The following THAP4 variants were observed in gnomAD, a reference collection of about 807,000 sequenced individuals.
The protein encoded by THAP4 is THAP domain containing 4.
Under a neutral mutation model 48.1 loss-of-function variants are expected in THAP4, and 18 were observed. The ratio of observed to expected loss-of-function variants is 0.37; its 90% CI spans 0.26 to 0.56. The LOEUF is 0.56. Among genes scored for constraint, THAP4 ranks in the 20% least tolerant of loss-of-function variants. The pLI is 0.78. For missense variants in THAP4, 656 were observed against 774.9 expected (o/e 0.85, Z 1.82); for synonymous variants, 345 against 324.9 (o/e 1.06, Z -0.66).
chr2:241,631,537 C>G (rs1174523240), intron 2 of THAP4, among the ~76,000 whole-genome samples: 4 of 152,184 alleles, frequency 2.6e-5, no homozygotes, highest in African/African-American at 9.7e-5. Flanking sequence ...GCAATCACAG[C>G]TCACTACAGC....
In THAP4 at chr2:241,632,335, A is replaced by G. The variant is rs941936445; in HGVS notation, c.1240+582T>C. 1.4e-4 allele frequency among the ~76,000 whole-genome samples: 21 copies of G among 152,206 alleles called. No individual in the cohort carries two copies. The East Asian group carries it at 3.9e-3, about 28-fold the overall frequency. On this transcript the variant is annotated intron_variant, in intron 2 of 5. Coordinates refer to ENST00000407315, the MANE Select transcript of THAP4 (RefSeq NM_015963.6). ...GGGTGGTCTCGAACTCCTGACCTCA[A>G]GTGATCTGCCCACCTTAGCCTCCCA... is the stretch of plus-strand genomic sequence containing the variant.
chr2:241,635,724 G>T (rs1010824399), intron 1 of THAP4, among the ~76,000 whole-genome samples: 3 of 150,824 alleles, frequency 2.0e-5, no homozygotes, highest in Non-Finnish European at 4.4e-5. Flanking sequence ...AGCCGAGATC[G>T]CACCAATGCA....
chr2:241,601,850 C>T lies in THAP4; in HGVS notation c.1614+46G>A, dbSNP rs767295679. The T allele has an allele frequency of 3.7e-6, 6 of 1,610,232 alleles. No homozygotes were observed. In the Admixed American group the frequency reaches 1.0e-4, roughly 27 times the overall value. On this transcript the variant is annotated intron_variant, in intron 5 of 5. Coordinates refer to ENST00000407315, the MANE Select transcript of THAP4 (RefSeq NM_015963.6). This position sits in a 1 kb window ranked among gnomAD's most constrained non-coding sequence, Gnocchi z 4.0. The stretch of plus-strand genomic sequence containing the variant: ...AGGAAGAGGCTGACTCCACAGACCG[C>T]TGCAAACAGAAGACAGGAGCGTGCT...
At chr2:241,634,872 C>T (rs1387546020) in intron 1 of THAP4, among the ~76,000 whole-genome samples, 2 of 152,180 alleles carry the variant, frequency 1.3e-5, no homozygotes, top group Non-Finnish European at 2.9e-5. Context: ...GGACATTATA[C>T]TGAATGAAAT....
At chr2:241,586,626 C>T (rs943021992) in intron 5 of THAP4, among the ~76,000 whole-genome samples, 1 of 152,032 alleles carries the variant, frequency 6.6e-6, no homozygotes, top group Non-Finnish European at 1.5e-5. Context: ...TATTAGAAGA[C>T]AATATGGAGA....
intron 1 of THAP4, 135 bp downstream of exon 1, chr2:241,636,806 C>G: frequency 2.9e-6 from 1 of 350,562 alleles, no homozygotes; most frequent in Non-Finnish European, 4.0e-6. Flanking sequence ...TCACACAGCG[C>G]CCACGCCCGC....
chr2:241,627,501 C>T (rs990759737), intron 2 of THAP4, among the ~76,000 whole-genome samples: 4 of 152,206 alleles, frequency 2.6e-5, no homozygotes, highest in African/African-American at 9.7e-5. Flanking sequence ...GTCCACAGAA[C>T]GCCACCGGGC....
chr2:241,592,259 C>T (rs1421354883), intron 5 of THAP4: 1 of 152,370 alleles, frequency 6.6e-6, no homozygotes, highest in Non-Finnish European at 1.5e-5. Flanking sequence ...AGGGCTGCTG[C>T]AAGGCACGTG....
At chr2:241,585,627 G>C (rs1306870898) in intron 5 of THAP4, among the ~76,000 whole-genome samples, 3 of 152,090 alleles carry the variant, frequency 2.0e-5, no homozygotes, top group African/African-American at 7.2e-5. Context: ...TTGCTGCCCG[G>C]AAGTCAAGGG....
intron 5 of THAP4, among the ~76,000 whole-genome samples, chr2:241,595,534 G>A (rs918872312): frequency 3.3e-5 from 5 of 152,008 alleles, no homozygotes; most frequent in Non-Finnish European, 7.4e-5. Flanking sequence ...CTACTCGGGA[G>A]GCTGAGGCAG....
intron 5 of THAP4, among the ~76,000 whole-genome samples, chr2:241,597,477 C>A (rs1451773814): frequency 6.6e-6 from 1 of 152,150 alleles, no homozygotes; most frequent in Non-Finnish European, 1.5e-5. Context: ...GAACTCTGAA[C>A]CTAACAAGGA....
rs569983290 is a variant in THAP4 at position 241,606,990 on chromosome 2, A to G, written c.1241-517T>C. Among the ~76,000 whole-genome samples, 9 of 152,178 alleles carry G rather than the reference A, an allele frequency of 5.9e-5. No individual in the cohort carries two copies. In the East Asian group the frequency reaches 1.7e-3, roughly 29 times the overall value. On this transcript the variant is annotated intron_variant, in intron 2 of 5. Coordinates refer to ENST00000407315, the MANE Select transcript of THAP4 (RefSeq NM_015963.6). Reference sequence around the variant, plus strand: ...GGAGACAAAGAGCATCAGGGAGAAAATGAAAGGGGATGCAGGGTCTCGGAG... The same window carrying G: ...GGAGACAAAGAGCATCAGGGAGAAAGTGAAAGGGGATGCAGGGTCTCGGAG...
Position 241,612,868 on chromosome 2 carries a change from C to T in THAP4, c.1241-6395G>A, listed in dbSNP as rs1405655636. Among the ~76,000 whole-genome samples the T allele has an allele frequency of 1.3e-5, 2 of 152,192 alleles. No homozygotes were observed. The highest frequency in any genetic ancestry group is 4.8e-5 in the African/African-American group (2 of 41,450). ...CAGCGATCCTTCCAGATTGCAGGCG[C>T]GTGAGCTGGCTCACTGACACGTGCA... On this transcript the variant is annotated intron_variant, in intron 2 of 5. Coordinates refer to ENST00000407315, the MANE Select transcript of THAP4 (RefSeq NM_015963.6). This position sits in a 1 kb window ranked among gnomAD's most constrained non-coding sequence, Gnocchi z 4.1.
At chr2:241,596,848 G>A (rs2067055135) in intron 5 of THAP4, among the ~76,000 whole-genome samples, 1 of 152,154 alleles carries the variant, frequency 6.6e-6, no homozygotes, top group Non-Finnish European at 1.5e-5. Context: ...TCTGGGGCAG[G>A]CACCATGAGT....
intron 2 of THAP4, among the ~76,000 whole-genome samples, chr2:241,611,927 G>A (rs2067282175): frequency 6.6e-6 from 1 of 152,040 alleles, no homozygotes; most frequent in Admixed American, 6.6e-5. Context: ...CTAAGAGAAA[G>A]GGTCTTGCTC....
At chr2:241,599,655 C>T (rs375076813) in intron 5 of THAP4, among the ~76,000 whole-genome samples, 20 of 152,266 alleles carry the variant, frequency 1.3e-4, no homozygotes, top group African/African-American at 4.3e-4. Context: ...CCGTAATACA[C>T]TGTCACGCTG....
rs149950715 is a variant in THAP4 at position 241,585,546 on chromosome 2, G to A, written c.1615-821C>T. Among the ~76,000 whole-genome samples, 975 of 152,220 alleles carry A rather than the reference G, an allele frequency of 6.4e-3. 14 individuals carry two copies. The highest frequency in any genetic ancestry group is 0.022 in the African/African-American group (931 of 41,524). On this transcript the variant is annotated intron_variant, in intron 5 of 5. Coordinates refer to ENST00000407315, the MANE Select transcript of THAP4 (RefSeq NM_015963.6). ...GGTGTCAGAGAACCACCAAGTCAGC[G>A]AGGACCAGCACCCCAAAGAGAAGGA...
At chr2:241,587,172 A>T (rs2066904732) in intron 5 of THAP4, among the ~76,000 whole-genome samples, 1 of 152,144 alleles carries the variant, frequency 6.6e-6, no homozygotes, top group Admixed American at 6.5e-5. Flanking sequence ...AGATGTTTCC[A>T]GAGGTGACTG....
chr2:241,629,658 T>C (rs1044978801), intron 2 of THAP4, among the ~76,000 whole-genome samples: 2 of 151,396 alleles, frequency 1.3e-5, no homozygotes, highest in Non-Finnish European at 2.9e-5. Flanking sequence ...AACTATAAAA[T>C]AAGATGAAAA....
Sources: gnomAD v4.1 joint callset for allele counts (sites outside exome capture counted in the v4.1 genomes callset) on GRCh38, gnomAD v4.1.1 for gene constraint, Gnocchi (gnomAD v3.1) non-coding constraint, MANE v1.5 for transcripts, NCBI Gene and HGNC (gene_info 2026-07-23, HGNC 2026-07-21) for gene names.